The following NFASC variants were observed in gnomAD, a reference collection of about 807,000 sequenced individuals.
NFASC encodes the protein neurofascin homolog.
Under a neutral mutation model 147.5 loss-of-function variants are expected in NFASC, and 43 were observed. The observed-to-expected ratio is 0.29, with a 90% CI of 0.23 to 0.38. NFASC has a LOEUF of 0.38. Ranked by LOEUF, NFASC falls within the 10% of genes least tolerant of loss-of-function variation. The pLI is 1.00. For missense variants in NFASC, 1,320 were observed against 1,689.0 expected (o/e 0.78, Z 3.83); for synonymous variants, 622 against 665.5 (o/e 0.93, Z 1.01).
At chr1:204,991,534 G>A (rs754017321) in intron 24 of NFASC, among the ~76,000 whole-genome samples, 3 of 152,228 alleles carry the variant, frequency 2.0e-5, no homozygotes, top group Non-Finnish European at 4.4e-5. Context: ...CCCCTGCTGA[G>A]TAGGAGAATG....
At chr1:205,002,496 C>A in intron 26 of NFASC, 100 bp from the exon 27 acceptor site, 2 of 1,022,426 alleles carry the variant, frequency 2.0e-6, no homozygotes, top group Admixed American at 6.9e-5. Flanking sequence ...CTGGTCCCTT[C>A]CCCCACACTT....
intron 1 of NFASC, among the ~76,000 whole-genome samples, chr1:204,834,041 A>G (rs893132158): frequency 6.6e-6 from 1 of 152,214 alleles, no homozygotes; most frequent in African/African-American, 2.4e-5. Context: ...AATTGGCAGA[A>G]TTTGGATATG....
In NFASC at chr1:204,975,274, C is replaced by T. The variant is rs199525304; in HGVS notation, c.1562C>T (p.Pro521Leu). The T allele has an allele frequency of 1.6e-5, 25 of 1,611,220 alleles. No homozygotes were observed. Among genetic ancestry groups the T allele is most frequent in the Non-Finnish European group, 2.0e-5 (24 of 1,178,264 alleles). The change falls in exon 15 of 30, where the codon CCC becomes CTC. Residue 521 changes from proline to leucine, a missense_variant. Pro to Leu is a moderately conservative substitution (Grantham distance 98). Coordinates refer to ENST00000339876, the MANE Select transcript of NFASC (RefSeq NM_001005388.3). The surrounding 1 kb of genome is among the most constrained non-coding windows in gnomAD (Gnocchi z 4.0). ...AGTGCTCTGGGCTTCTCCACAGACC[C>T]CACCAGGATCTACCGGATGCCCGAG... ...ENQVRLEVKDPTRIYRMPEDQ... is the reference protein window; with the variant it reads ...ENQVRLEVKDLTRIYRMPEDQ...
At position 204,954,813 on chromosome 1, in the gene NFASC, G is replaced by C. The variant is rs375501420; in HGVS notation, c.413-16G>C. 1.9e-5 allele frequency: 31 copies of C among 1,613,710 alleles called. No individual in the cohort carries two copies. The highest frequency in any genetic ancestry group is 4.0e-5 in the African/African-American group (3 of 74,844). On this transcript the variant is annotated splice_polypyrimidine_tract_variant and intron_variant, in intron 6 of 29. Transcript: ENST00000339876. This position sits in a 1 kb window ranked among gnomAD's most constrained non-coding sequence, Gnocchi z 5.7. ...CCATCACCCTCACTTTATCCTCTTTGTCCACTTCTCTCCAGAATCTCCTCT... is the reference window on the plus strand; with the variant it reads ...CCATCACCCTCACTTTATCCTCTTTCTCCACTTCTCTCCAGAATCTCCTCT...
At chr1:204,906,272 C>A (rs560849923) in intron 1 of NFASC, among the ~76,000 whole-genome samples, 225 of 152,194 alleles carry the variant, frequency 1.5e-3, no homozygotes, top group African/African-American at 5.2e-3. Flanking sequence ...ATGAATTTTG[C>A]CAAACACATA....
intron 1 of NFASC, among the ~76,000 whole-genome samples, chr1:204,901,475 A>G (rs1378907910): frequency 6.6e-6 from 1 of 152,162 alleles, no homozygotes; most frequent in Non-Finnish European, 1.5e-5. Flanking sequence ...TAAATCAGGA[A>G]TGATGAGAGC....
chr1:204,905,643 G>A (rs2085685300), intron 1 of NFASC, among the ~76,000 whole-genome samples: 1 of 151,932 alleles, frequency 6.6e-6, no homozygotes, highest in South Asian at 2.1e-4. Context: ...TGACTTCTAT[G>A]TAATATTTCA....
intron 1 of NFASC, among the ~76,000 whole-genome samples, chr1:204,908,542 T>TG (rs1558060862): frequency 1.3e-5 from 2 of 151,900 alleles, no homozygotes; most frequent in Non-Finnish European, 2.9e-5. Flanking sequence ...AGATTCACAT[T>TG]CAGTTGTAGC....
At chr1:204,922,168 G>A (rs977546572) in intron 2 of NFASC, among the ~76,000 whole-genome samples, 1 of 152,130 alleles carries the variant, frequency 6.6e-6, no homozygotes, top group Non-Finnish European at 1.5e-5. Flanking sequence ...GCAGCTCTGT[G>A]TCACCAAGTC....
At chr1:204,856,126 TA>T (rs200115006) in intron 1 of NFASC, among the ~76,000 whole-genome samples, 2 of 151,786 alleles carry the variant, frequency 1.3e-5, no homozygotes, top group East Asian at 2.0e-4. Flanking sequence ...TCCCTGCTTG[TA>T]AAAAGACTGA....
At chr1:204,977,790 G>A (rs1485557216) in intron 17 of NFASC, 65 bp downstream of exon 17, 7 of 1,486,292 alleles carry the variant, frequency 4.7e-6, no homozygotes, top group Non-Finnish European at 6.5e-6. Context: ...GTGGAGTCTG[G>A]GAGAAGGAAG....
At chr1:204,874,317 C>T (rs931142652) in intron 1 of NFASC, among the ~76,000 whole-genome samples, 1 of 152,234 alleles carries the variant, frequency 6.6e-6, no homozygotes, top group Non-Finnish European at 1.5e-5. Context: ...CAGTGCAAGA[C>T]CACATGCTAA....
chr1:204,972,151 GGCTCA>G (rs1370110760), intron 11 of NFASC, among the ~76,000 whole-genome samples: 3 of 152,256 alleles, frequency 2.0e-5, no homozygotes. Context: ...CCCGGTTCTG[GGCTCA>G]GGCTGGCTAT....
intron 21 of NFASC, among the ~76,000 whole-genome samples, chr1:204,982,842 G>T (rs1383225532): frequency 6.6e-6 from 1 of 152,098 alleles, no homozygotes; most frequent in Non-Finnish European, 1.5e-5. Flanking sequence ...GAAGGGAGGA[G>T]GGACAGTCTT....
chr1:204,898,825 A>G (rs2083922080), intron 1 of NFASC, among the ~76,000 whole-genome samples: 2 of 152,182 alleles, frequency 1.3e-5, no homozygotes, highest in Admixed American at 1.3e-4. Flanking sequence ...TAATTGGCCG[A>G]CCCAGTCATT....
intron 29 of NFASC, among the ~76,000 whole-genome samples, chr1:205,014,299 A>AC (rs2096305740): frequency 6.6e-6 from 1 of 151,618 alleles, no homozygotes; most frequent in South Asian, 2.1e-4. Context: ...ACACGCACAC[A>AC]CCCCTCTGCT....
At chr1:204,864,108 C>T (rs866624915) in intron 1 of NFASC, among the ~76,000 whole-genome samples, 20 of 152,212 alleles carry the variant, frequency 1.3e-4, no homozygotes, top group Admixed American at 3.3e-4. Flanking sequence ...ATATATTTCA[C>T]ATAAATGGAA....
chr1:204,920,776 G>A (rs963245847), intron 2 of NFASC, 36 bp downstream of exon 2: 6 of 1,054,288 alleles, frequency 5.7e-6, no homozygotes, highest in Non-Finnish European at 7.7e-6. Flanking sequence ...TGTGTCATTG[G>A]AGGGGTGAGA....
At chr1:204,958,389 G>A (rs2094519341) in intron 8 of NFASC, among the ~76,000 whole-genome samples, 1 of 152,186 alleles carries the variant, frequency 6.6e-6, no homozygotes, top group African/African-American at 2.4e-5. Flanking sequence ...ATGTTTGTAA[G>A]TTGCAGGCTT....
Sources: allele counts gnomAD v4.1 joint callset (sites outside exome capture counted in the v4.1 genomes callset), GRCh38; gene constraint gnomAD v4.1.1; non-coding constraint Gnocchi (gnomAD v3.1); transcripts MANE v1.5; gene names NCBI Gene and HGNC (gene_info 2026-07-23, HGNC 2026-07-21).